HDAC2: variants seen among roughly 807,000 people sequenced by gnomAD.
HDAC2 encodes YY1-associated factor 1.
In HDAC2, 5 loss-of-function variants were observed where a neutral mutation model predicts 68.5. The ratio of observed to expected loss-of-function variants is 0.07; its 90% CI spans 0.04 to 0.15. HDAC2 has a LOEUF of 0.15. Among genes scored for constraint, HDAC2 ranks in the 10% least tolerant of loss-of-function variants. HDAC2 has a pLI of 1.00. For synonymous variants in HDAC2, 182 were observed against 191.3 expected, an observed-to-expected ratio of 0.95 and a Z score of 0.40; for missense variants, 291 against 600.8, an observed-to-expected ratio of 0.48 and a Z score of 5.39.
chr6:113,954,624 A>G (rs565231880), intron 5 of HDAC2, among the ~76,000 whole-genome samples: 2 of 152,366 alleles, frequency 1.3e-5, no homozygotes, highest in South Asian at 4.1e-4. Flanking sequence ...ATTAAAAAAC[A>G]AGGCAAATGA....
At chr6:113,946,321 C>A in intron 8 of HDAC2, 173 bp from the exon 9 acceptor site, 1 of 525,282 alleles carries the variant, frequency 1.9e-6, no homozygotes. Context: ...TTTCCAAACA[C>A]GTTATACAAT....
chr6:113,957,417 T>C (rs1776580966), intron 3 of HDAC2: 1 of 152,216 alleles, frequency 6.6e-6, no homozygotes, highest in Non-Finnish European at 1.5e-5. Flanking sequence ...AATATCTTTG[T>C]ATACCCTTAA....
At chr6:113,961,976 C>T (rs1168784667) in intron 1 of HDAC2, among the ~76,000 whole-genome samples, 1 of 151,906 alleles carries the variant, frequency 6.6e-6, no homozygotes, top group African/African-American at 2.4e-5. Context: ...ACATCTACCA[C>T]ATCATAACAT....
intron 6 of HDAC2, among the ~76,000 whole-genome samples, chr6:113,951,803 T>G (rs1297678511): frequency 2.6e-5 from 4 of 152,192 alleles, no homozygotes; most frequent in African/African-American, 9.7e-5. Context: ...AAAAGAGATG[T>G]TGAAAGCCAT....
intron 5 of HDAC2, among the ~76,000 whole-genome samples, chr6:113,953,977 T>C (rs1261565669): frequency 2.6e-5 from 4 of 152,260 alleles, no homozygotes; most frequent in Admixed American, 6.5e-5. Context: ...CATGCTCAAT[T>C]GTTTATTACC....
chr6:113,966,733 G>A (rs1375847399), intron 1 of HDAC2, among the ~76,000 whole-genome samples: 2 of 152,018 alleles, frequency 1.3e-5, no homozygotes, highest in Non-Finnish European at 2.9e-5. Flanking sequence ...ACAACCAAAA[G>A]GAAGAAAAAT....
At chr6:113,956,254 T>A in intron 4 of HDAC2, 103 bp from the exon 5 acceptor site, 2 of 951,692 alleles carry the variant, frequency 2.1e-6, no homozygotes, top group Non-Finnish European at 3.1e-6. Flanking sequence ...AGCAAGAGCT[T>A]AAAATCATGA....
intron 1 of HDAC2, among the ~76,000 whole-genome samples, chr6:113,961,403 A>T (rs1252110921): frequency 1.3e-5 from 2 of 152,166 alleles, no homozygotes; most frequent in Admixed American, 1.3e-4. Flanking sequence ...AATTTTAGTT[A>T]ACTTCATTTT....
intron 1 of HDAC2, chr6:113,969,714 C>T (rs906872705): frequency 6.6e-6 from 1 of 152,226 alleles, no homozygotes; most frequent in African/African-American, 2.4e-5. Flanking sequence ...AATGTTACTG[C>T]TCATACTCCA....
At chr6:113,970,713 C>T in intron 1 of HDAC2, 144 bp downstream of exon 1, 1 of 1,395,212 alleles carries the variant, frequency 7.2e-7, no homozygotes, top group African/African-American at 1.5e-5. Context: ...CTAACTGTGC[C>T]GGGCCGGGAA....
At chr6:113,952,762 CTTAATG>C (rs751220687) in intron 6 of HDAC2, among the ~76,000 whole-genome samples, 2 of 152,088 alleles carry the variant, frequency 1.3e-5, no homozygotes, top group Non-Finnish European at 2.9e-5. Context: ...TAGAAATACA[CTTAATG>C]TTAACAGGCA....
chr6:113,963,105 T>C (rs1312376093), intron 1 of HDAC2, among the ~76,000 whole-genome samples: 1 of 151,876 alleles, frequency 6.6e-6, no homozygotes, highest in African/African-American at 2.4e-5. Context: ...CTTTTTGAGA[T>C]GGAGTTTCGC....
rs1317306517 is a variant in HDAC2 at position 113,938,243 on chromosome 6, C to A, written c.*2815G>T. On this transcript the variant is annotated 3_prime_UTR_variant, in exon 14 of 14. Coordinates refer to ENST00000519065, the MANE Select transcript of HDAC2 (RefSeq NM_001527.4). ...TATTTACTGAGGTTAAAGATCTTTT[C>A]ATATTTACAAACTATTTATATGTAT... 2 of 152,178 alleles carry A rather than the reference C, an allele frequency of 1.3e-5. No homozygotes were observed. Among genetic ancestry groups the A allele is most frequent in the Non-Finnish European group, 2.9e-5 (2 of 68,016 alleles). The allele number at this position is 152,178 out of a possible 1,614,324, so 9.4% of individuals were successfully genotyped here.
chr6:113,970,189 C>T (rs1776947116), intron 1 of HDAC2: 1 of 152,376 alleles, frequency 6.6e-6, no homozygotes, highest in Admixed American at 6.5e-5. Flanking sequence ...CCACGCAAAA[C>T]ATGGGTGTGA....
intron 6 of HDAC2, among the ~76,000 whole-genome samples, chr6:113,950,600 T>G (rs975465421): frequency 6.7e-6 from 1 of 150,346 alleles, no homozygotes; most frequent in African/African-American, 2.5e-5. Flanking sequence ...TTCACCATAT[T>G]GGTCAGGCTG....
At chr6:113,951,394 T>C (rs1362348005) in intron 6 of HDAC2, among the ~76,000 whole-genome samples, 1 of 152,112 alleles carries the variant, frequency 6.6e-6, no homozygotes, top group Non-Finnish European at 1.5e-5. Context: ...TGACTGATTT[T>C]AATTCTCTTA....
chr6:113,961,422 C>G (rs1776681089), intron 1 of HDAC2, among the ~76,000 whole-genome samples: 1 of 152,178 alleles, frequency 6.6e-6, no homozygotes, highest in Non-Finnish European at 1.5e-5. Flanking sequence ...TTCAGCACAG[C>G]TCTCTTCTGA....
intron 7 of HDAC2, 22 bp downstream of exon 7, chr6:113,949,146 T>G (rs768086008): frequency 6.2e-7 from 1 of 1,605,346 alleles, no homozygotes; most frequent in South Asian, 1.1e-5. Flanking sequence ...TCCATTCCAA[T>G]TGTGAAAACA....
chr6:113,952,525 T>C (rs3778215), intron 6 of HDAC2, among the ~76,000 whole-genome samples: 13,967 of 152,216 alleles, frequency 0.092, 804 homozygotes, highest in Non-Finnish European at 0.12. Context: ...CTTAATAAAA[T>C]AGTTTAAAAC....
Sources: gnomAD v4.1 joint callset for allele counts (sites outside exome capture counted in the v4.1 genomes callset) on GRCh38, gnomAD v4.1.1 for gene constraint, MANE v1.5 for transcripts, NCBI Gene and HGNC (gene_info 2026-07-23, HGNC 2026-07-21) for gene names.